Variants in LPAR2 observed in about 807,000 individuals in gnomAD.
LPAR2 encodes G protein-coupled receptor.
A neutral mutation model predicts 15.6 loss-of-function variants in LPAR2; 10 were observed. The ratio of observed to expected loss-of-function variants is 0.64; its 90% CI spans 0.39 to 1.09. The LOEUF is 1.09. Among genes scored for constraint, LPAR2 ranks in the 50% least tolerant of loss-of-function variants. The pLI, the probability that LPAR2 is intolerant of heterozygous loss-of-function variation, is 0.01. For missense variants in LPAR2, 413 were observed against 484.6 expected, an observed-to-expected ratio of 0.85 and a Z score of 1.39; for synonymous variants, 204 against 207.4, an observed-to-expected ratio of 0.98 and a Z score of 0.14.
Position 19,626,916 on chromosome 19 carries a change from CAGCAGTGTG to C in LPAR2, c.360_368del (p.Thr121_Leu123del). 2 of 1,604,648 alleles carry C rather than the reference CAGCAGTGTG, an allele frequency of 1.2e-6. No individual in the cohort carries two copies. The highest frequency in any genetic ancestry group is 1.7e-6 in the Non-Finnish European group (2 of 1,176,290). On this transcript the variant is annotated inframe_deletion, in exon 2 of 3. Transcript: ENST00000407877. This position sits in a 1 kb window ranked among gnomAD's most constrained non-coding sequence, Gnocchi z 5.3. ...TGCGGTGCCGCTCCACGGCGATGGCCAGCAGTGTGGCCACCGACGCAGTGAGGCTTGTGT... is the reference window on the plus strand; with the variant it reads ...TGCGGTGCCGCTCCACGGCGATGGCCGCCACCGACGCAGTGAGGCTTGTGT...
chr19:19,624,294 G>C lies in LPAR2; in HGVS notation c.1018C>G (p.Pro340Ala), dbSNP rs2061728788. 6.2e-7 allele frequency: 1 copy of C among 1,610,770 alleles called. No individual in the cohort carries two copies. Among genetic ancestry groups the C allele is most frequent in the African/African-American group, 1.3e-5 (1 of 74,870 alleles). ...TCCATCAGTGGGTGGCCGTTCTCGGGAAGCATGATGCGAGTGCTGGCACCT... is the reference window on the plus strand; with the variant it reads ...TCCATCAGTGGGTGGCCGTTCTCGGCAAGCATGATGCGAGTGCTGGCACCT... The change falls in exon 3 of 3, where the codon CCC (proline) becomes GCC (alanine). Residue 340 changes from proline (P) to alanine (A), a missense_variant. Pro to Ala is a conservative substitution (Grantham distance 27). Transcript: ENST00000407877.
At position 19,626,594 on chromosome 19, in the gene LPAR2, G is replaced by A. The variant is rs762097736; in HGVS notation, c.691C>T (p.Arg231Cys). The A allele has an allele frequency of 9.9e-6, 16 of 1,612,930 alleles. No individual in the cohort carries two copies. The Admixed American group carries it at 1.3e-4, about 13-fold the overall frequency. ...AGGCTGAGCGTGGTCTCTCGGTAGCGGGGGTGGCAGCTGACATGCTCTGCC... is the reference window on the plus strand; with the variant it reads ...AGGCTGAGCGTGGTCTCTCGGTAGCAGGGGTGGCAGCTGACATGCTCTGCC... The change falls in exon 2 of 3, where the codon CGC becomes TGC. Residue 231 changes from arginine to cysteine, a missense_variant. Coordinates refer to ENST00000407877, the MANE Select transcript of LPAR2 (RefSeq NM_004720.7). The surrounding 1 kb of genome is among the most constrained non-coding windows in gnomAD (Gnocchi z 5.3).
chr19:19,624,832 T>A (rs984438883), intron 2 of LPAR2, among the ~76,000 whole-genome samples: 8 of 146,716 alleles, frequency 5.5e-5, no homozygotes, highest in South Asian at 2.2e-4. Flanking sequence ...TGTGTGTGTG[T>A]GAGATGGAGT....
chr19:19,624,390 G>A lies in LPAR2; in HGVS notation c.922C>T (p.Arg308Cys), dbSNP rs868311564. ...CGGAGGCACGCGCAGCAGAGAAGGCGGCGGAAGGTGCGGCGCATCTCAGCA... is the reference window on the plus strand; with the variant it reads ...CGGAGGCACGCGCAGCAGAGAAGGCAGCGGAAGGTGCGGCGCATCTCAGCA... Residue 308 changes from arginine to cysteine, a missense_variant, in exon 3 of 3, where the codon CGC becomes TGC. Physicochemically the swap from Arg to Cys is radical, Grantham distance 180. Transcript: ENST00000407877. 20 of 1,614,072 alleles carry A rather than the reference G, an allele frequency of 1.2e-5. No homozygotes were observed. Among genetic ancestry groups the A allele is most frequent in the African/African-American group, 1.2e-4 (9 of 74,944 alleles).
In LPAR2 at chr19:19,627,276, G is replaced by C. The variant is rs747093366; in HGVS notation, c.9C>G (p.Ile3Met). 2.4e-5 allele frequency: 38 copies of C among 1,600,220 alleles called. No individual in the cohort carries two copies. Among genetic ancestry groups the C allele is most frequent in the Non-Finnish European group, 2.9e-5 (34 of 1,178,944 alleles). ...TCTCGTTGTAGTAGCACTGGCCCATGATGACCATCTGGGGACACAAGAGAT... is the reference window on the plus strand; with the variant it reads ...TCTCGTTGTAGTAGCACTGGCCCATCATGACCATCTGGGGACACAAGAGAT... Residue 3 changes from isoleucine (I) to methionine (M), a missense_variant, in exon 2 of 3, where the codon ATC becomes ATG. Ile to Met is a conservative substitution (Grantham distance 10). It adds an upstream start codon to the 5' untranslated region. Transcript: ENST00000407877. The surrounding 1 kb of genome is among the most constrained non-coding windows in gnomAD (Gnocchi z 4.7).
In LPAR2 at chr19:19,627,693, C is replaced by G. The variant is rs542522748; in HGVS notation, c.-1+399G>C. 15 of 233,372 alleles carry G rather than the reference C, an allele frequency of 6.4e-5. No homozygotes were observed. In the South Asian group the frequency reaches 6.5e-4, roughly 10 times the overall value. 14.5% of individuals were successfully genotyped at this position (233,372 alleles called of 1,614,324 possible). ...AGATGAGGGAGGATCACTTTGGTGC[C>G]GGAGTCAGTGTAGGGAGCAGAGACC... On this transcript the variant is annotated intron_variant, in intron 1 of 2. Coordinates refer to ENST00000407877, the MANE Select transcript of LPAR2 (RefSeq NM_004720.7). The surrounding 1 kb of genome is among the most constrained non-coding windows in gnomAD (Gnocchi z 4.7).
intron 2 of LPAR2, among the ~76,000 whole-genome samples, chr19:19,625,067 G>A (rs1406372571): frequency 2.0e-5 from 3 of 151,414 alleles, no homozygotes; most frequent in African/African-American, 7.3e-5. Context: ...TGATCCGCCC[G>A]CCTCAGCCTC....
At chr19:19,625,595 C>T (rs1227932799) in intron 2 of LPAR2, among the ~76,000 whole-genome samples, 3 of 151,148 alleles carry the variant, frequency 2.0e-5, no homozygotes, top group Admixed American at 6.6e-5. Flanking sequence ...CCATCCTGGC[C>T]AACATAGTGA....
At chr19:19,625,731 CGA>C (rs937234821) in intron 2 of LPAR2, among the ~76,000 whole-genome samples, 5 of 143,372 alleles carry the variant, frequency 3.5e-5, no homozygotes, top group African/African-American at 1.3e-4. Context: ...TGCAGTGAGC[CGA>C]GATTGCGCCA....
In LPAR2 at chr19:19,625,100, A is replaced by G. The variant is rs146674999; in HGVS notation, c.743-531T>C. The stretch of plus-strand genomic sequence containing the variant: ...CTCCCGAAGTGTTGGGATTACAGGC[A>G]TGAGCCACTGCGCCTGGCCTGTGTG... On this transcript the variant is annotated intron_variant, in intron 2 of 2. Transcript: ENST00000407877. 7.1e-3 allele frequency among the ~76,000 whole-genome samples: 1,085 copies of G among 151,894 alleles called. 18 individuals carry two copies. The highest frequency in any genetic ancestry group is 0.025 in the African/African-American group (1,038 of 41,422).
Position 19,627,986 on chromosome 19 carries a change from G to A in LPAR2, c.-1+106C>T, listed in dbSNP as rs2061752176. On this transcript the variant is annotated intron_variant, in intron 1 of 2. Coordinates refer to ENST00000407877, the MANE Select transcript of LPAR2 (RefSeq NM_004720.7). This position sits in a 1 kb window ranked among gnomAD's most constrained non-coding sequence, Gnocchi z 4.7. ...GTCTCCAGACTGGGGAAGGGGTAGG[G>A]GGTTAAGGGATCAGAGGGCGGCGTC... 1 of 152,776 alleles carries A rather than the reference G, an allele frequency of 6.5e-6. No homozygotes were observed. Among genetic ancestry groups the A allele is most frequent in the Admixed American group, 6.5e-5 (1 of 15,314 alleles). The allele number at this position is 152,776 out of a possible 1,614,324, so 9.5% of individuals were successfully genotyped here.
chr19:19,627,011 T>A lies in LPAR2; in HGVS notation c.274A>T (p.Thr92Ser). The A allele has an allele frequency of 6.2e-7, 1 of 1,613,738 alleles. No homozygotes were observed. Among genetic ancestry groups the A allele is most frequent in the South Asian group, 1.1e-5 (1 of 91,070 alleles). ...GAAAGTCGGGCTGTGCGGGGACCAG[T>A]GTGGAACATGAGGAAGAGGTAGGCC... is the stretch of plus-strand genomic sequence containing the variant. Residue 92 changes from threonine to serine, a missense_variant, in exon 2 of 3, where the codon ACT becomes TCT. Coordinates refer to ENST00000407877, the MANE Select transcript of LPAR2 (RefSeq NM_004720.7). This position sits in a 1 kb window ranked among gnomAD's most constrained non-coding sequence, Gnocchi z 4.7.
chr19:19,627,839 T>G lies in LPAR2; in HGVS notation c.-1+253A>C. 1 of 157,036 alleles carries G rather than the reference T, an allele frequency of 6.4e-6. No individual in the cohort carries two copies. The highest frequency in any genetic ancestry group is 1.4e-5 in the Non-Finnish European group (1 of 70,648). 9.7% of individuals were successfully genotyped at this position (157,036 alleles called of 1,614,324 possible). ...GCCCCAGAAGTTAGTCGGCGGGATT[T>G]GGGCGCGAGTGCTTCCCAAGCGGGC... On this transcript the variant is annotated intron_variant, in intron 1 of 2. Coordinates refer to ENST00000407877, the MANE Select transcript of LPAR2 (RefSeq NM_004720.7). This position sits in a 1 kb window ranked among gnomAD's most constrained non-coding sequence, Gnocchi z 4.7.
In LPAR2 at chr19:19,624,291, C is replaced by G; in HGVS notation, c.1021G>C (p.Glu341Gln). 1 of 1,610,474 alleles carries G rather than the reference C, an allele frequency of 6.2e-7. No individual in the cohort carries two copies. Among genetic ancestry groups the G allele is most frequent in the Non-Finnish European group, 8.5e-7 (1 of 1,177,080 alleles). Residue 341 changes from glutamate to glutamine, a missense_variant, in exon 3 of 3, where the codon GAG becomes CAG. Glu to Gln is a conservative substitution (Grantham distance 29). Transcript: ENST00000407877. ...GAGTCCATCAGTGGGTGGCCGTTCT[C>G]GGGAAGCATGATGCGAGTGCTGGCA...
chr19:19,625,644 A>C (rs1019208775), intron 2 of LPAR2, among the ~76,000 whole-genome samples: 1 of 151,400 alleles, frequency 6.6e-6, no homozygotes, highest in African/African-American at 2.4e-5. Context: ...TTAGCCAGGC[A>C]TAGTGGCACG....
rs749641705 is a variant in LPAR2 at position 19,627,113 on chromosome 19, C to T, written c.172G>A (p.Ala58Thr). The change falls in exon 2 of 3, where the codon GCC becomes ACC. Residue 58 changes from alanine to threonine, a missense_variant. By Grantham distance (58) the Ala-to-Thr change is moderately conservative (BLOSUM62 0). Coordinates refer to ENST00000407877, the MANE Select transcript of LPAR2 (RefSeq NM_004720.7). This position sits in a 1 kb window ranked among gnomAD's most constrained non-coding sequence, Gnocchi z 4.7. The stretch of plus-strand genomic sequence containing the variant: ...GGCTGGTGGAAGCGGCGGTTGGAGG[C>T]GATGGCTGCTATGACCAGCAGATTG... 7 of 1,611,744 alleles carry T rather than the reference C, an allele frequency of 4.3e-6. No individual in the cohort carries two copies. Among genetic ancestry groups the T allele is most frequent in the Non-Finnish European group, 5.1e-6 (6 of 1,179,086 alleles).
intron 2 of LPAR2, 148 bp from the exon 3 acceptor site, chr19:19,624,717 G>A: frequency 3.0e-6 from 2 of 656,394 alleles, no homozygotes; most frequent in Non-Finnish European, 5.3e-6. Flanking sequence ...TGATTCTGCA[G>A]TGTGACAGGA....
At position 19,627,638 on chromosome 19, in the gene LPAR2, G is replaced by A; in HGVS notation, c.1-354C>T. ...GGGTTGTGGGGAGAGGAGGGTTAGGGAAAGACAAAGGGGTGTGAGCTGCGG... is the reference window on the plus strand; with the variant it reads ...GGGTTGTGGGGAGAGGAGGGTTAGGAAAAGACAAAGGGGTGTGAGCTGCGG... On this transcript the variant is annotated intron_variant, in intron 1 of 2. Transcript: ENST00000407877. This position sits in a 1 kb window ranked among gnomAD's most constrained non-coding sequence, Gnocchi z 4.7. The A allele has an allele frequency of 3.2e-6, 1 of 307,812 alleles. No homozygotes were observed. The allele number at this position is 307,812 out of a possible 1,614,324, so 19.1% of individuals were successfully genotyped here. A position where few individuals can be genotyped will look rare whatever the true frequency, so the allele number is the denominator to read the frequency against.
chr19:19,624,173 G>C lies in LPAR2; in HGVS notation c.*83C>G, dbSNP rs2061728011. ...GTCCTGCCAGTCAGTCAGTCCTGTT[G>C]GTTGGGTTGAGCCAGGAGCACCCAC... On this transcript the variant is annotated 3_prime_UTR_variant, in exon 3 of 3. Transcript: ENST00000407877. The C allele has an allele frequency of 2.9e-6, 4 of 1,378,564 alleles. No individual in the cohort carries two copies. Among genetic ancestry groups the C allele is most frequent in the Non-Finnish European group, 4.0e-6 (4 of 997,198 alleles). The allele number at this position is 1,378,564 out of a possible 1,614,324, so 85.4% of individuals were successfully genotyped here.
Sources: gnomAD v4.1 joint callset for allele counts (sites outside exome capture counted in the v4.1 genomes callset) on GRCh38, gnomAD v4.1.1 for gene constraint, Gnocchi (gnomAD v3.1) non-coding constraint, MANE v1.5 for transcripts, NCBI Gene and HGNC (gene_info 2026-07-23, HGNC 2026-07-21) for gene names.